LMF1: variants seen among roughly 807,000 people sequenced by gnomAD.
LMF1 encodes the protein lipase maturation factor 1, also known as transmembrane protein 112.
A neutral mutation model predicts 60.6 loss-of-function variants in LMF1; 68 were observed. The observed-to-expected ratio is 1.12, with a 90% CI of 0.92 to 1.37. The LOEUF (loss-of-function observed/expected upper bound fraction) is 1.37. Among genes scored for constraint, LMF1 ranks in the 40% most tolerant of loss-of-function variants. LMF1 has a pLI of 0.00. For synonymous variants in LMF1, 418 were observed against 324.7 expected (o/e 1.29, Z -3.09); for missense variants, 948 against 767.2 (o/e 1.24, Z -2.78).
chr16:894,806 G>A (rs556580988), intron 4 of LMF1, among the ~76,000 whole-genome samples: 4 of 152,326 alleles, frequency 2.6e-5, no homozygotes, highest in African/African-American at 7.2e-5. Flanking sequence ...GCTCCCCTCC[G>A]TGGGCGTGCT....
At chr16:863,921 T>C (rs747159789) in intron 10 of LMF1, among the ~76,000 whole-genome samples, 10 of 152,268 alleles carry the variant, frequency 6.6e-5, no homozygotes, top group South Asian at 2.1e-4. Flanking sequence ...ATGTGACATG[T>C]CATTCAGTGC....
At chr16:940,459 A>G (rs4984728) in intron 2 of LMF1, among the ~76,000 whole-genome samples, 72,339 of 151,936 alleles carry the variant, frequency 0.48, 18,871 homozygotes, top group African/African-American at 0.69. Context: ...CCCCGCAGGC[A>G]GCGTCCTGCC....
chr16:940,075 C>G (rs758992222), intron 2 of LMF1, among the ~76,000 whole-genome samples: 2 of 152,086 alleles, frequency 1.3e-5, no homozygotes. Flanking sequence ...GGCAGGGACC[C>G]GAGTGATACG....
intron 2 of LMF1, among the ~76,000 whole-genome samples, chr16:952,988 T>C (rs1158435778): frequency 0.035 from 603 of 17,346 alleles, 82 homozygotes; most frequent in African/African-American, 0.061. Context: ...GCCTCCTACA[T>C]ATCCACACAG....
intron 1 of LMF1, chr16:976,726 T>C (rs1389671773): frequency 8.8e-6 from 4 of 453,994 alleles, no homozygotes; most frequent in African/African-American, 8.0e-5. Context: ...TGACGGACGC[T>C]GAGCAGCAGG....
chr16:905,345 T>C, intron 4 of LMF1: 1 of 156,318 alleles, frequency 6.4e-6, no homozygotes, highest in Non-Finnish European at 1.4e-5. Flanking sequence ...CCGTCTCTGC[T>C]GCGTGGTGGT....
chr16:936,989 G>A (rs9328929), intron 2 of LMF1, among the ~76,000 whole-genome samples: 65,031 of 151,954 alleles, frequency 0.43, 16,572 homozygotes, highest in African/African-American at 0.71. Flanking sequence ...GCAGCCTCAC[G>A]CTTTTATCAG....
chr16:864,239 T>G (rs530468460), intron 10 of LMF1, among the ~76,000 whole-genome samples: 1 of 152,366 alleles, frequency 6.6e-6, no homozygotes, highest in Non-Finnish European at 1.5e-5. Flanking sequence ...GTTAATACAA[T>G]GAATCCTTTA....
chr16:927,601 G>C (rs540675248), intron 3 of LMF1, among the ~76,000 whole-genome samples: 85 of 152,326 alleles, frequency 5.6e-4, no homozygotes, highest in African/African-American at 2.0e-3. Flanking sequence ...GGAAGGGGAG[G>C]GAAGGGCCAT....
At chr16:957,867 G>A (rs2072740422) in intron 1 of LMF1, among the ~76,000 whole-genome samples, 1 of 152,192 alleles carries the variant, frequency 6.6e-6, no homozygotes, top group South Asian at 2.1e-4. Flanking sequence ...CTTGGGCCGG[G>A]CGTGGTGGCT....
intron 5 of LMF1, among the ~76,000 whole-genome samples, chr16:885,839 A>G (rs776480645): frequency 5.3e-5 from 8 of 152,258 alleles, no homozygotes; most frequent in Non-Finnish European, 1.2e-4. Context: ...GAGGACGTAC[A>G]GAAGAGTTGA....
chr16:940,741 A>C (rs1373682802), intron 2 of LMF1, among the ~76,000 whole-genome samples: 1 of 152,192 alleles, frequency 6.6e-6, no homozygotes, highest in East Asian at 1.9e-4. Flanking sequence ...CAGGAATGAA[A>C]AGAACACTCT....
intron 9 of LMF1, 104 bp from the exon 10 acceptor site, chr16:869,160 G>A (rs2069701542): frequency 3.7e-6 from 3 of 819,086 alleles, no homozygotes; most frequent in Admixed American, 3.5e-5. Flanking sequence ...AGGCTTTCCT[G>A]GAGGTGGGTT....
intron 3 of LMF1, among the ~76,000 whole-genome samples, chr16:929,854 G>T (rs981525873): frequency 6.6e-6 from 1 of 152,114 alleles, no homozygotes; most frequent in South Asian, 2.1e-4. Context: ...GTCTGTGAAC[G>T]GGGGCGCACG....
intron 4 of LMF1, among the ~76,000 whole-genome samples, chr16:893,833 A>G (rs1390241787): frequency 6.6e-6 from 1 of 151,948 alleles, no homozygotes; most frequent in Non-Finnish European, 1.5e-5. Context: ...CCCTAAAATC[A>G]CCGCTGAGAC....
chr16:865,333 C>CTATTGTATT (rs1204142730), intron 10 of LMF1, among the ~76,000 whole-genome samples: 2 of 152,178 alleles, frequency 1.3e-5, no homozygotes, highest in Non-Finnish European at 2.9e-5. Context: ...GAAGGAACGT[C>CTATTGTATT]TATTGTATTT....
intron 1 of LMF1, among the ~76,000 whole-genome samples, chr16:958,294 AATGAAAACACAAG>A (rs748988253): frequency 1.8e-4 from 28 of 152,360 alleles, no homozygotes; most frequent in Admixed American, 3.9e-4. Context: ...CTTTTAACAG[AATGAAAACACAAG>A]CCGCAGATTG....
At chr16:855,260 C>A (rs1185405003) in intron 10 of LMF1, 5 of 247,294 alleles carry the variant, frequency 2.0e-5, no homozygotes, top group African/African-American at 1.1e-4. Context: ...CAGGCCCTTC[C>A]CTGCCTGAGA....
intron 4 of LMF1, chr16:901,899 A>T (rs2070822938): frequency 1.3e-5 from 2 of 152,482 alleles, no homozygotes; most frequent in African/African-American, 4.8e-5. Flanking sequence ...CAACCTGAGG[A>T]TCCACGAAGC....
Sources: allele counts gnomAD v4.1 joint callset (sites outside exome capture counted in the v4.1 genomes callset), GRCh38; gene constraint gnomAD v4.1.1; transcripts MANE v1.5; gene names NCBI Gene and HGNC (gene_info 2026-07-23, HGNC 2026-07-21).